CFAP210: variants seen among roughly 807,000 people sequenced by gnomAD.
The protein encoded by CFAP210 is cilia- and flagella- associated protein 210.
At chr2:169,645,966 T>TGTCCACAAACACTG in the CFAP210 span, 1 of 1,613,992 alleles carries the variant, frequency 6.2e-7, no homozygotes, top group Non-Finnish European at 8.5e-7. Context: ...AATCCACCTC[T>TGTCCACAAACACTG]GTCCACAAAC....
chr2:169,663,431 A>C, the CFAP210 span, among the ~76,000 whole-genome samples: 1 of 152,148 alleles, frequency 6.6e-6, no homozygotes, highest in South Asian at 2.1e-4. Flanking sequence ...AAACTCCTGG[A>C]CTGAAGCAAT....
chr2:169,660,747 G>A, the CFAP210 span, among the ~76,000 whole-genome samples: 17 of 151,868 alleles, frequency 1.1e-4, no homozygotes, highest in South Asian at 3.5e-3. Context: ...GACCACAGGC[G>A]TGCACCACCC....
the CFAP210 span, chr2:169,661,277 T>C: frequency 1.5e-5 from 8 of 548,978 alleles, no homozygotes; most frequent in Non-Finnish European, 1.8e-5. Flanking sequence ...TCCTCCAAGA[T>C]GCCGTTTGCA....
At chr2:169,655,317 T>C in the CFAP210 span, among the ~76,000 whole-genome samples, 9 of 152,124 alleles carry the variant, frequency 5.9e-5, no homozygotes, top group Non-Finnish European at 1.0e-4. Flanking sequence ...ATTATGTAAG[T>C]AGAAACCAAT....
chr2:169,681,191 A>C, the CFAP210 span: 1 of 1,613,666 alleles, frequency 6.2e-7, no homozygotes, highest in Non-Finnish European at 8.5e-7. Flanking sequence ...GCTAGGTAGA[A>C]GAGGCAGATA....
the CFAP210 span, chr2:169,650,526 A>C: frequency 6.6e-7 from 1 of 1,521,510 alleles, no homozygotes; most frequent in Non-Finnish European, 8.8e-7. Flanking sequence ...ATAAGCCTAT[A>C]ACAAAATAAC....
chr2:169,650,340 G>A, the CFAP210 span: 23 of 1,586,952 alleles, frequency 1.4e-5, no homozygotes, highest in Admixed American at 2.0e-4. Flanking sequence ...ACAATGGCTC[G>A]ATATTCTGCA....
chr2:169,649,285 G>A, the CFAP210 span: 11 of 1,613,600 alleles, frequency 6.8e-6, no homozygotes, highest in East Asian at 2.5e-4. Context: ...TTTCATGACA[G>A]CCAGCAATTG....
At chr2:169,682,581 G>C in the CFAP210 span, among the ~76,000 whole-genome samples, 1 of 152,074 alleles carries the variant, frequency 6.6e-6, no homozygotes. Flanking sequence ...AAATTGATTG[G>C]CTGAGTCTTT....
chr2:169,679,907 T>C, the CFAP210 span, among the ~76,000 whole-genome samples: 36,686 of 151,904 alleles, frequency 0.24, 4,633 homozygotes, highest in Non-Finnish European at 0.27. Flanking sequence ...ACAAGAAAAA[T>C]TGATAAACCA....
the CFAP210 span, chr2:169,661,130 G>C: frequency 1.8e-6 from 1 of 564,626 alleles, no homozygotes; most frequent in Non-Finnish European, 3.5e-6. Context: ...TCTAACCGCT[G>C]AGACAATTCA....
At chr2:169,675,140 T>C in the CFAP210 span, 1 of 891,938 alleles carries the variant, frequency 1.1e-6, no homozygotes, top group African/African-American at 1.8e-5. Flanking sequence ...ATGTTTTTAT[T>C]GTATTTGTAA....
the CFAP210 span, chr2:169,659,213 A>G: frequency 1.3e-5 from 2 of 152,280 alleles, no homozygotes; most frequent in African/African-American, 4.8e-5. Flanking sequence ...CTTTCATACC[A>G]AGTTTGGAAG....
the CFAP210 span, among the ~76,000 whole-genome samples, chr2:169,660,514 T>C: frequency 1.3e-5 from 2 of 151,276 alleles, no homozygotes; most frequent in Non-Finnish European, 2.9e-5. Flanking sequence ...GCACTTGGTT[T>C]GTGTCTAGGG....
the CFAP210 span, among the ~76,000 whole-genome samples, chr2:169,677,023 G>A: frequency 6.6e-6 from 1 of 152,184 alleles, no homozygotes; most frequent in Non-Finnish European, 1.5e-5. Flanking sequence ...CATGCATAAG[G>A]AGCTAAACTG....
At chr2:169,652,653 T>C in the CFAP210 span, among the ~76,000 whole-genome samples, 2 of 152,010 alleles carry the variant, frequency 1.3e-5, no homozygotes, top group African/African-American at 4.8e-5. Flanking sequence ...TCTGCCCTCA[T>C]GGGGCTTTCA....
the CFAP210 span, among the ~76,000 whole-genome samples, chr2:169,667,216 G>T: frequency 6.8e-6 from 1 of 146,978 alleles, no homozygotes. Context: ...TCGGCTCACT[G>T]CAACCTCTGC....
chr2:169,647,956 GAC>G, the CFAP210 span, among the ~76,000 whole-genome samples: 1 of 151,966 alleles, frequency 6.6e-6, no homozygotes, highest in African/African-American at 2.4e-5. Flanking sequence ...AGGAGTTCGA[GAC>G]CAGCCTGGAC....
At chr2:169,648,508 C>G in the CFAP210 span, among the ~76,000 whole-genome samples, 1 of 152,054 alleles carries the variant, frequency 6.6e-6, no homozygotes, top group Non-Finnish European at 1.5e-5. Context: ...ACTAAGAAAA[C>G]AACCCAATTA....
Sources: gnomAD v4.1 joint callset for allele counts (sites outside exome capture counted in the v4.1 genomes callset) on GRCh38, gnomAD v4.1.1 for gene constraint, MANE v1.5 for transcripts, NCBI Gene and HGNC (gene_info 2026-07-23, HGNC 2026-07-21) for gene names.